CGGBP1: variants seen among roughly 807,000 people sequenced by gnomAD.
CGGBP1 encodes the protein CGG triplet repeat binding protein 1.
A neutral mutation model predicts 11.4 loss-of-function variants in CGGBP1; 4 were observed. The observed-to-expected ratio is 0.35, with a 90% CI of 0.17 to 0.80. The LOEUF (loss-of-function observed/expected upper bound fraction) is 0.80. Ranked by LOEUF, CGGBP1 falls within the 30% of genes least tolerant of loss-of-function variation. The pLI is 0.52. For synonymous variants in CGGBP1, 76 were observed against 74.1 expected, an observed-to-expected ratio of 1.03 and a Z score of -0.13; for missense variants, 135 against 202.1, an observed-to-expected ratio of 0.67 and a Z score of 2.01.
chr3:88,065,536 CCT>C (rs2107595571), intron 2 of CGGBP1, among the ~76,000 whole-genome samples: 1 of 152,142 alleles, frequency 6.6e-6, no homozygotes, highest in Admixed American at 6.5e-5. Flanking sequence ...GGTGATTTCA[CCT>C]TTGTAAATAA....
At chr3:88,131,312 G>A (rs546527100) in intron 2 of CGGBP1, among the ~76,000 whole-genome samples, 1 of 152,168 alleles carries the variant, frequency 6.6e-6, no homozygotes, top group Non-Finnish European at 1.5e-5. Flanking sequence ...TTGTTACACT[G>A]CGTATAACTG....
chr3:88,089,265 G>C (rs1708512313), intron 2 of CGGBP1, among the ~76,000 whole-genome samples: 1 of 150,802 alleles, frequency 6.6e-6, no homozygotes, highest in South Asian at 2.1e-4. Flanking sequence ...GCCGAGGCGG[G>C]TGGATCACAA....
intron 2 of CGGBP1, among the ~76,000 whole-genome samples, chr3:88,069,382 G>T (rs181045799): frequency 6.6e-6 from 1 of 152,168 alleles, no homozygotes. Flanking sequence ...AGATGGCGCC[G>T]CTGCACTTCA....
At chr3:88,148,427 C>CT (rs1576366927) in intron 1 of CGGBP1, among the ~76,000 whole-genome samples, 1 of 152,164 alleles carries the variant, frequency 6.6e-6, no homozygotes, top group Non-Finnish European at 1.5e-5. Flanking sequence ...CATCTCTTTA[C>CT]TAACAACACT....
chr3:88,142,978 T>C (rs1036870364), intron 1 of CGGBP1: 1 of 152,302 alleles, frequency 6.6e-6, no homozygotes, highest in African/African-American at 2.4e-5. Context: ...TTCCTTTTAC[T>C]AATAGTGTGT....
intron 2 of CGGBP1, among the ~76,000 whole-genome samples, chr3:88,109,743 C>T (rs1374269030): frequency 5.9e-5 from 9 of 152,040 alleles, no homozygotes; most frequent in African/African-American, 2.2e-4. Flanking sequence ...GTGAACTGTA[C>T]ATAACTTACA....
At chr3:88,140,116 TTTG>T in intron 2 of CGGBP1, 1 of 1,613,884 alleles carries the variant, frequency 6.2e-7, no homozygotes, top group Non-Finnish European at 8.5e-7. Context: ...AATGTGTATT[TTTG>T]TTTGCATTTT....
In CGGBP1 at chr3:88,054,931, C is replaced by T. The variant is rs1383582004; in HGVS notation, c.*542G>A. The T allele has an allele frequency of 2.0e-5, 3 of 152,588 alleles. No homozygotes were observed. Among genetic ancestry groups the T allele is most frequent in the Non-Finnish European group, 2.9e-5 (2 of 68,054 alleles). 9.5% of individuals were successfully genotyped at this position (152,588 alleles called of 1,614,324 possible). On this transcript the variant is annotated 3_prime_UTR_variant, in exon 4 of 4. Coordinates refer to ENST00000482016, the MANE Select transcript of CGGBP1 (RefSeq NM_001008390.2). ...TGAAAGATAGTTAAGGTGACTACAT[C>T]ATATACAAGTAAAACATAGTTTGAA...
intron 1 of CGGBP1, among the ~76,000 whole-genome samples, chr3:88,149,018 C>G (rs184292866): frequency 6.6e-6 from 1 of 152,120 alleles, no homozygotes; most frequent in South Asian, 2.1e-4. Context: ...AATGGCAATA[C>G]CCCAATTAAA....
At chr3:88,138,642 T>C (rs1706947810) in intron 2 of CGGBP1, 1 of 981,088 alleles carries the variant, frequency 1.0e-6, no homozygotes, top group Non-Finnish European at 1.3e-6. Flanking sequence ...TTTTTAAAGA[T>C]AGACTAGTAT....
chr3:88,059,551 C>T (rs1292266215), upstream of CGGBP1: 7 of 1,449,922 alleles, frequency 4.8e-6, no homozygotes, highest in Admixed American at 2.8e-5. Flanking sequence ...GGGTCCTGGG[C>T]CTCTCTGCGT....
At chr3:88,072,446 G>C (rs1217026998) in intron 2 of CGGBP1, among the ~76,000 whole-genome samples, 3 of 152,108 alleles carry the variant, frequency 2.0e-5, no homozygotes, top group Non-Finnish European at 4.4e-5. Context: ...ATCTAGCTCT[G>C]TGACTTTTTC....
intron 1 of CGGBP1, among the ~76,000 whole-genome samples, chr3:88,146,698 T>C (rs1455444533): frequency 6.6e-6 from 1 of 152,226 alleles, no homozygotes; most frequent in Non-Finnish European, 1.5e-5. Flanking sequence ...CATGTAATTT[T>C]AGTTCATGCA....
At chr3:88,149,214 GC>G (rs1294895101) in intron 1 of CGGBP1, among the ~76,000 whole-genome samples, 2 of 152,060 alleles carry the variant, frequency 1.3e-5, no homozygotes, top group Admixed American at 6.5e-5. Flanking sequence ...TGTTCACCCC[GC>G]CCCCACAGCC....
intron 2 of CGGBP1, chr3:88,138,848 T>C: frequency 8.1e-7 from 1 of 1,232,074 alleles, no homozygotes; most frequent in Non-Finnish European, 1.0e-6. Flanking sequence ...TCCTCAGGAT[T>C]TGTGCACTCT....
chr3:88,083,005 T>C (rs1005751090), intron 2 of CGGBP1, among the ~76,000 whole-genome samples: 1 of 152,066 alleles, frequency 6.6e-6, no homozygotes, highest in African/African-American at 2.4e-5. Flanking sequence ...TTCTGCCTCC[T>C]TCTCCTTTTC....
intron 2 of CGGBP1, among the ~76,000 whole-genome samples, chr3:88,070,504 A>T (rs1707443403): frequency 6.6e-6 from 1 of 151,726 alleles, no homozygotes; most frequent in African/African-American, 2.4e-5. Flanking sequence ...TAATTCAGAC[A>T]TACCAAAAAA....
At chr3:88,141,649 C>T in intron 1 of CGGBP1, 2 of 1,508,496 alleles carry the variant, frequency 1.3e-6, no homozygotes, top group Non-Finnish European at 1.8e-6. Flanking sequence ...TTACAGGTGC[C>T]TGATGAAAAC....
intron 2 of CGGBP1, among the ~76,000 whole-genome samples, chr3:88,110,391 A>G (rs1029355208): frequency 2.6e-5 from 4 of 152,146 alleles, no homozygotes; most frequent in South Asian, 2.1e-4. Context: ...TGTAGTCAAT[A>G]TGTAAATAAA....
Sources: allele counts gnomAD v4.1 joint callset (sites outside exome capture counted in the v4.1 genomes callset), GRCh38; gene constraint gnomAD v4.1.1; transcripts MANE v1.5; gene names NCBI Gene and HGNC (gene_info 2026-07-23, HGNC 2026-07-21).